The following MICA variants were observed in gnomAD, a reference collection of about 807,000 sequenced individuals.
MICA encodes the protein MHC class I polypeptide-related sequence A, also known as HLA class I antigen.
In MICA, 18 loss-of-function variants were observed where a neutral mutation model predicts 34.3. The ratio of observed to expected loss-of-function variants is 0.52; its 90% CI spans 0.36 to 0.78. The LOEUF (loss-of-function observed/expected upper bound fraction) is 0.78, where lower values mean the gene tolerates loss of function less well. Among genes scored for constraint, MICA ranks in the 30% least tolerant of loss-of-function variants. The probability of loss-of-function intolerance (pLI) is 0.00; values close to 1 mark genes in which losing one functional copy is unlikely to be tolerated. For missense variants in MICA, 333 were observed against 409.4 expected, an observed-to-expected ratio of 0.81 and a Z score of 1.61; for synonymous variants, 135 against 156.9, an observed-to-expected ratio of 0.86 and a Z score of 1.04.
At chr6:31,407,845 C>G (rs1376535075) in intron 1 of MICA, among the ~76,000 whole-genome samples, 3 of 151,846 alleles carry the variant, frequency 2.0e-5, no homozygotes, top group African/African-American at 7.3e-5. Flanking sequence ...TTCTTTCTTT[C>G]TCCTGTCTGA....
intron 1 of MICA, among the ~76,000 whole-genome samples, chr6:31,408,228 AT>A (rs1249331966): frequency 1.3e-5 from 2 of 151,818 alleles, no homozygotes; most frequent in Non-Finnish European, 2.9e-5. Context: ...TTTTTAATGT[AT>A]TGTTGAATGT....
chr6:31,412,703 G>A (rs150360593), intron 5 of MICA, among the ~76,000 whole-genome samples: 2,729 of 152,036 alleles, frequency 0.018, 60 homozygotes, highest in Middle Eastern at 0.078. Flanking sequence ...GGGCAGCAGG[G>A]AGGGCTGCGG....
Position 31,412,320 on chromosome 6 carries a change from T to G in MICA, c.893-5T>G. The G allele has an allele frequency of 6.2e-7, 1 of 1,604,294 alleles. No homozygotes were observed. The highest frequency in any genetic ancestry group is 1.3e-5 in the African/African-American group (1 of 74,150). Reference sequence around the variant, plus strand: ...CCCAGTGTATAACAAGTCCCTTTTTTTCAGGGAAAGTGCTGGTGCTTCAGA... The same window carrying G: ...CCCAGTGTATAACAAGTCCCTTTTTGTCAGGGAAAGTGCTGGTGCTTCAGA... On this transcript the variant is annotated splice_region_variant and splice_polypyrimidine_tract_variant and intron_variant, in intron 4 of 5. Coordinates refer to ENST00000449934, the MANE Select transcript of MICA (RefSeq NM_001177519.3).
chr6:31,411,237 A>G lies in MICA; in HGVS notation c.491A>G (p.Asn164Ser). 6.2e-7 allele frequency: 1 copy of G among 1,613,210 alleles called. No individual in the cohort carries two copies. The highest frequency in any genetic ancestry group is 8.5e-7 in the Non-Finnish European group (1 of 1,179,926). Residue 164 changes from asparagine to serine, a missense_variant, in exon 3 of 6, where the codon AAC becomes AGC. By Grantham distance (46) the Asn-to-Ser change is conservative (BLOSUM62 1). Coordinates refer to ENST00000449934, the MANE Select transcript of MICA (RefSeq NM_001177519.3). This position sits in a 1 kb window ranked among gnomAD's most constrained non-coding sequence, Gnocchi z 4.3. ...TCCAGAGCTCAGACCTTGGCCATGA[A>G]CGTCAGGAATTTCTTGAAGGAAGAT... ...QSSRAQTLAMNVRNFLKEDAM... is the reference protein window; with the variant it reads ...QSSRAQTLAMSVRNFLKEDAM...
intron 5 of MICA, among the ~76,000 whole-genome samples, chr6:31,413,365 C>T (rs1328044651): frequency 1.3e-5 from 2 of 151,840 alleles, no homozygotes; most frequent in Admixed American, 6.6e-5. Context: ...TTAATCTGTG[C>T]TCTGTGGCCT....
In MICA at chr6:31,415,219, G is replaced by A. The variant is rs1771456153; in HGVS notation, c.*237G>A. The A allele has an allele frequency of 1.5e-6, 1 of 671,218 alleles. No individual in the cohort carries two copies. Among genetic ancestry groups the A allele is most frequent in the Admixed American group, 2.5e-5 (1 of 39,790 alleles). The allele number at this position is 671,218 out of a possible 1,614,324, so 41.6% of individuals were successfully genotyped here. A position where few individuals can be genotyped will look rare whatever the true frequency, so the allele number is the denominator to read the frequency against. On this transcript the variant is annotated 3_prime_UTR_variant, in exon 6 of 6. Transcript: ENST00000449934. ...TTCCCTCTTGGTGCCTCAGTTTCCT[G>A]ACCTATGAAACAGAGAAAATAAAAG...
chr6:31,405,440 G>A (rs539986386), intron 1 of MICA, among the ~76,000 whole-genome samples: 18 of 151,334 alleles, frequency 1.2e-4, no homozygotes, highest in Non-Finnish European at 2.4e-4. Flanking sequence ...TGGGTACGTA[G>A]TAGATATATA....
At chr6:31,410,986 G>A (rs1015511223) in intron 2 of MICA, 86 bp from the exon 3 acceptor site, 3 of 1,481,822 alleles carry the variant, frequency 2.0e-6, no homozygotes, top group Non-Finnish European at 2.7e-6. Context: ...GAGGGCCAGG[G>A]AGGCATACCC....
In MICA at chr6:31,411,072, G is replaced by T; in HGVS notation, c.326G>T (p.Gly109Val). The T allele has an allele frequency of 6.3e-7, 1 of 1,586,276 alleles. No individual in the cohort carries two copies. The highest frequency in any genetic ancestry group is 8.6e-7 in the Non-Finnish European group (1 of 1,166,844). Reference protein sequence around the residue: ...TLAHIKDQKEGLHSLQEIRVC... With the variant: ...TLAHIKDQKEVLHSLQEIRVC... The stretch of plus-strand genomic sequence containing the variant: ...AGAAGTCACTGCTGGGTGGGGGCAG[G>T]CTTGCATTCCCTCCAGGAGATTAGG... Residue 109 changes from glycine (G) to valine (V), a missense_variant and splice_region_variant, in exon 3 of 6, where the codon GGC (glycine) becomes GTC (valine). Transcript: ENST00000449934. The surrounding 1 kb of genome is among the most constrained non-coding windows in gnomAD (Gnocchi z 4.3).
At chr6:31,405,061 C>T (rs1402418999) in intron 1 of MICA, among the ~76,000 whole-genome samples, 16 of 138,480 alleles carry the variant, frequency 1.2e-4, no homozygotes, top group Admixed American at 5.2e-4. Context: ...CCCCAGAGCA[C>T]CCTCCCCTCC....
chr6:31,413,747 C>T (rs1465416576), intron 5 of MICA, among the ~76,000 whole-genome samples: 1 of 151,874 alleles, frequency 6.6e-6, no homozygotes, highest in Non-Finnish European at 1.5e-5. Flanking sequence ...CTCCTGCTCT[C>T]ACCTGTGGCG....
At chr6:31,412,956 G>A (rs1380019336) in intron 5 of MICA, among the ~76,000 whole-genome samples, 10 of 150,600 alleles carry the variant, frequency 6.6e-5, no homozygotes, top group South Asian at 2.1e-4. Flanking sequence ...TCCAGCCATC[G>A]GGGCGGACAC....
Position 31,411,879 on chromosome 6 carries a change from A to T in MICA, c.614-68A>T. 1 of 1,549,172 alleles carries T rather than the reference A, an allele frequency of 6.5e-7. No individual in the cohort carries two copies. The highest frequency in any genetic ancestry group is 8.7e-7 in the Non-Finnish European group (1 of 1,149,160). ...GCCAGAGTGAGAACAGTGAAGAGAA[A>T]CAGCCCTGTTCCTCTCCCCTCCTTA... On this transcript the variant is annotated intron_variant, in intron 3 of 5. Coordinates refer to ENST00000449934, the MANE Select transcript of MICA (RefSeq NM_001177519.3). The surrounding 1 kb of genome is among the most constrained non-coding windows in gnomAD (Gnocchi z 4.3).
Position 31,413,202 on chromosome 6 carries a change from A to G in MICA, c.*29+742A>G, listed in dbSNP as rs561820003. Among the ~76,000 whole-genome samples the G allele has an allele frequency of 7.2e-4, 109 of 151,852 alleles. 3 individuals carry two copies. The highest frequency in any genetic ancestry group is 2.6e-3 in the African/African-American group (106 of 41,318). On this transcript the variant is annotated intron_variant, in intron 5 of 5. Transcript: ENST00000449934. ...CCTGAGTTTCTTGCAGATGACATGG[A>G]TGAGTAGATAAGCAGATGTCCCTGG...
At position 31,403,837 on chromosome 6, in the gene MICA, C is replaced by T; in HGVS notation, c.70+135C>T. On this transcript the variant is annotated intron_variant, in intron 1 of 5. Coordinates refer to ENST00000449934, the MANE Select transcript of MICA (RefSeq NM_001177519.3). The surrounding 1 kb of genome is among the most constrained non-coding windows in gnomAD (Gnocchi z 4.7). ...TGTCGGTGGCGCAGGGAGCTGGACG[C>T]GGCCCGTTACCGCCACACTTCAGCC... 1 of 759,790 alleles carries T rather than the reference C, an allele frequency of 1.3e-6. No individual in the cohort carries two copies. Among genetic ancestry groups the T allele is most frequent in the East Asian group, 3.3e-5 (1 of 30,532 alleles). 47.1% of individuals were successfully genotyped at this position (759,790 alleles called of 1,614,324 possible).
chr6:31,406,907 CTG>C (rs1216011093), intron 1 of MICA, among the ~76,000 whole-genome samples: 1 of 151,750 alleles, frequency 6.6e-6, no homozygotes, highest in East Asian at 1.9e-4. Flanking sequence ...TTTCATTGGT[CTG>C]TGTGTCTGTT....
At chr6:31,404,724 T>A (rs1354281414) in intron 1 of MICA, among the ~76,000 whole-genome samples, 1 of 151,956 alleles carries the variant, frequency 6.6e-6, no homozygotes, top group African/African-American at 2.4e-5. Context: ...CTGATGCTAA[T>A]GGCAGTTGGG....
chr6:31,413,459 T>G (rs1771322542), intron 5 of MICA, among the ~76,000 whole-genome samples: 2 of 151,908 alleles, frequency 1.3e-5, no homozygotes, highest in African/African-American at 4.8e-5. Context: ...TCAGAATCAT[T>G]TCCCCTACAG....
intron 1 of MICA, among the ~76,000 whole-genome samples, chr6:31,409,218 A>G (rs1770924118): frequency 1.3e-5 from 2 of 151,480 alleles, no homozygotes; most frequent in African/African-American, 4.9e-5. Context: ...GTATATATTT[A>G]TTTCCTTTGG....
Sources: allele counts gnomAD v4.1 joint callset (sites outside exome capture counted in the v4.1 genomes callset), GRCh38; gene constraint gnomAD v4.1.1; non-coding constraint Gnocchi (gnomAD v3.1); transcripts MANE v1.5; gene names NCBI Gene and HGNC (gene_info 2026-07-23, HGNC 2026-07-21).